The following RANBP2 variants were observed in gnomAD, a reference collection of about 807,000 sequenced individuals.
RANBP2 encodes the protein E3 SUMO-protein ligase RanBP2.
Under a neutral mutation model 303.6 loss-of-function variants are expected in RANBP2, and 57 were observed. The ratio of observed to expected loss-of-function variants is 0.19; its 90% CI spans 0.15 to 0.23. The LOEUF (loss-of-function observed/expected upper bound fraction) is 0.23. RANBP2 is among the 10% of genes least tolerant of loss of function. The pLI, the probability that RANBP2 is intolerant of heterozygous loss-of-function variation, is 1.00. For missense variants in RANBP2, 3,138 were observed against 3,780.8 expected (o/e 0.83, Z 4.46); for synonymous variants, 1,167 against 1,301.5 (o/e 0.90, Z 2.23).
the RANBP2 span, among the ~76,000 whole-genome samples, chr2:108,831,117 G>T: frequency 6.6e-6 from 1 of 152,038 alleles, no homozygotes; most frequent in Non-Finnish European, 1.5e-5. Context: ...AGAAGTTTCA[G>T]TGAGCCAAGA....
At chr2:109,214,154 C>T in the RANBP2 span, among the ~76,000 whole-genome samples, 1 of 152,242 alleles carries the variant, frequency 6.6e-6, no homozygotes, top group South Asian at 2.1e-4. Flanking sequence ...AGGTAGGGGC[C>T]TCAGCAGGCT....
the RANBP2 span, among the ~76,000 whole-genome samples, chr2:109,427,505 A>T: frequency 6.6e-6 from 1 of 152,164 alleles, no homozygotes; most frequent in African/African-American, 2.4e-5. Context: ...GCTGGGCCTT[A>T]CACCAGGAGC....
the RANBP2 span, among the ~76,000 whole-genome samples, chr2:109,391,460 C>T: frequency 6.6e-6 from 1 of 152,216 alleles, no homozygotes; most frequent in African/African-American, 2.4e-5. Flanking sequence ...TCTGGCAGGG[C>T]CGGCGGCCTC....
At chr2:109,249,909 C>G in the RANBP2 span, among the ~76,000 whole-genome samples, 5 of 151,314 alleles carry the variant, frequency 3.3e-5, no homozygotes, top group Admixed American at 2.6e-4. Flanking sequence ...TGGTCTCGAT[C>G]TCCTGACCTC....
At chr2:109,659,022 G>A in the RANBP2 span, among the ~76,000 whole-genome samples, 4,411 of 152,136 alleles carry the variant, frequency 0.029, 203 homozygotes, top group African/African-American at 0.1. Context: ...CCAAGATCAC[G>A]CCATTGCACT....
the RANBP2 span, among the ~76,000 whole-genome samples, chr2:109,723,070 T>C: frequency 2.0e-5 from 3 of 152,234 alleles, no homozygotes; most frequent in African/African-American, 7.2e-5. Context: ...TTTGAATTAA[T>C]TTACACTCCC....
At chr2:108,798,816 TACACACACACAC>T in the RANBP2 span, among the ~76,000 whole-genome samples, 115 of 131,640 alleles carry the variant, frequency 8.7e-4, no homozygotes, top group African/African-American at 2.8e-3. Flanking sequence ...TCTCCACACC[TACACACACACAC>T]ACACACACAC....
the RANBP2 span, among the ~76,000 whole-genome samples, chr2:109,054,692 G>A: frequency 4.3e-5 from 6 of 138,648 alleles, no homozygotes; most frequent in East Asian, 8.3e-4. Context: ...GTGAGACTCC[G>A]TCTCAAAAAA....
chr2:108,798,961 T>C, the RANBP2 span, among the ~76,000 whole-genome samples: 1 of 152,054 alleles, frequency 6.6e-6, no homozygotes, highest in Non-Finnish European at 1.5e-5. Flanking sequence ...CATTAGCGCA[T>C]ATCAGGAAAT....
the RANBP2 span, among the ~76,000 whole-genome samples, chr2:109,651,233 G>A: frequency 6.6e-6 from 1 of 152,242 alleles, no homozygotes; most frequent in South Asian, 2.1e-4. Flanking sequence ...GCCTGTGAAT[G>A]TCTTCTGTGG....
At chr2:108,841,246 T>C in the RANBP2 span, among the ~76,000 whole-genome samples, 1 of 152,180 alleles carries the variant, frequency 6.6e-6, no homozygotes. Flanking sequence ...TGTTGTTTGG[T>C]AGAGTGTTGC....
the RANBP2 span, chr2:109,614,252 A>G: frequency 1.4e-6 from 1 of 700,824 alleles, no homozygotes; most frequent in Non-Finnish European, 1.9e-6. Context: ...TGGCCGAGAC[A>G]GCGGGGAGCG....
At chr2:109,189,837 G>A in the RANBP2 span, among the ~76,000 whole-genome samples, 1 of 152,190 alleles carries the variant, frequency 6.6e-6, no homozygotes, top group African/African-American at 2.4e-5. Flanking sequence ...CAAGCCGACA[G>A]TGGCCAGAGA....
chr2:108,974,519 C>T, the RANBP2 span, among the ~76,000 whole-genome samples: 1 of 151,696 alleles, frequency 6.6e-6, no homozygotes, highest in Non-Finnish European at 1.5e-5. Context: ...ATCACCAGGT[C>T]AGGAGTTGGA....
chr2:109,324,533 A>C, the RANBP2 span, among the ~76,000 whole-genome samples: 6 of 152,228 alleles, frequency 3.9e-5, no homozygotes, highest in Non-Finnish European at 7.3e-5. Context: ...TTAAAATAAT[A>C]ATGAAAGTTA....
chr2:108,964,804 A>C, the RANBP2 span, among the ~76,000 whole-genome samples: 12 of 152,314 alleles, frequency 7.9e-5, no homozygotes, highest in East Asian at 2.3e-3. Flanking sequence ...TGAGGTTCCT[A>C]ATCAGAAGAC....
chr2:109,728,803 T>C, the RANBP2 span, among the ~76,000 whole-genome samples: 1 of 150,966 alleles, frequency 6.6e-6, no homozygotes, highest in Admixed American at 6.7e-5. Context: ...AAAGGTTTGG[T>C]TCTCTAGATC....
At chr2:109,274,347 C>G in the RANBP2 span, among the ~76,000 whole-genome samples, 11 of 152,076 alleles carry the variant, frequency 7.2e-5, no homozygotes, top group Non-Finnish European at 1.5e-4. Flanking sequence ...TCATAGCAGC[C>G]CTATTTACAC....
the RANBP2 span, among the ~76,000 whole-genome samples, chr2:109,249,489 C>CT: frequency 4.4e-5 from 1 of 22,510 alleles, no homozygotes; most frequent in African/African-American, 3.7e-4. Context: ...TTCTTTCTTT[C>CT]TTTCTTTCTT....
Sources: allele counts gnomAD v4.1 joint callset (sites outside exome capture counted in the v4.1 genomes callset), GRCh38; gene constraint gnomAD v4.1.1; transcripts MANE v1.5; gene names NCBI Gene and HGNC (gene_info 2026-07-23, HGNC 2026-07-21).